DIDO1: variants seen among roughly 807,000 people sequenced by gnomAD.
DIDO1 encodes death inducer-obliterator 1.
In DIDO1, 16 loss-of-function variants were observed where a neutral mutation model predicts 99.4. The observed-to-expected ratio is 0.16, with a 90% CI of 0.11 to 0.24. The LOEUF is 0.24. Among genes scored for constraint, DIDO1 ranks in the 10% least tolerant of loss-of-function variants. The pLI is 1.00. For synonymous variants in DIDO1, 1,366 were observed against 1,239.1 expected, an observed-to-expected ratio of 1.10 and a Z score of -2.15; for missense variants, 2,996 against 3,014.0, an observed-to-expected ratio of 0.99 and a Z score of 0.14.
At chr20:62,904,132 G>A (rs149522054) in intron 6 of DIDO1, among the ~76,000 whole-genome samples, 34 of 152,298 alleles carry the variant, frequency 2.2e-4, no homozygotes, top group African/African-American at 7.7e-4. Flanking sequence ...TCTGAACTGA[G>A]GCTATAACCG....
At chr20:62,891,299 G>C (rs2064392908) in intron 14 of DIDO1, 144 bp from the exon 15 acceptor site, 2 of 1,397,672 alleles carry the variant, frequency 1.4e-6, no homozygotes, top group South Asian at 2.8e-5. Context: ...GTCTCAGTGA[G>C]GCAATTCACG....
rs73918857 is a variant in DIDO1 at position 62,895,298 on chromosome 20, G to A, written c.2215-133C>T. 590 of 768,174 alleles carry A rather than the reference G, an allele frequency of 7.7e-4. 1 individual carries two copies. The African/African-American group carries it at 9.2e-3, about 12-fold the overall frequency. The allele number at this position is 768,174 out of a possible 1,614,324, so 47.6% of individuals were successfully genotyped here. On this transcript the variant is annotated intron_variant, in intron 8 of 15. Coordinates refer to ENST00000395343, the MANE Select transcript of DIDO1 (RefSeq NM_001193369.2). ...GGCCCTCAGGGCCCACTTGCGTGTG[G>A]CACTGGGCAGAGCCCTCCCTGCAGG...
chr20:62,923,016 G>C (rs2065185556), intron 1 of DIDO1, among the ~76,000 whole-genome samples: 1 of 152,054 alleles, frequency 6.6e-6, no homozygotes, highest in Admixed American at 6.5e-5. Context: ...TTGGGGGTGG[G>C]GGGTGGACAG....
chr20:62,894,987 A>G lies in DIDO1; in HGVS notation c.2331+62T>C. On this transcript the variant is annotated intron_variant, in intron 9 of 15. Transcript: ENST00000395343. This position sits in a 1 kb window ranked among gnomAD's most constrained non-coding sequence, Gnocchi z 4.4. Reference sequence around the variant, plus strand: ...GAAAGCATCGCTTATGCAGCCGTCTATGAATTTATTTCTATTAAGCTCGAG... The same window carrying G: ...GAAAGCATCGCTTATGCAGCCGTCTGTGAATTTATTTCTATTAAGCTCGAG... 2.5e-6 allele frequency: 4 copies of G among 1,597,614 alleles called. No homozygotes were observed. The highest frequency in any genetic ancestry group is 3.4e-6 in the Non-Finnish European group (4 of 1,166,252).
chr20:62,879,486 CGGT>C lies in DIDO1; in HGVS notation c.6467_6469del (p.Asn2156_Arg2157delinsSer), dbSNP rs1303291542. On this transcript the variant is annotated inframe_deletion, in exon 16 of 16. Transcript: ENST00000395343. The surrounding 1 kb of genome is among the most constrained non-coding windows in gnomAD (Gnocchi z 6.3). The stretch of plus-strand genomic sequence containing the variant: ...CCGGTCGGCCTCGCGCTCTCGGTCG[CGGT>C]TGGCGCTCCTCTCCCGGTTTCTGTC... 6.3e-7 allele frequency: 1 copy of C among 1,589,586 alleles called. No homozygotes were observed. The highest frequency in any genetic ancestry group is 8.5e-7 in the Non-Finnish European group (1 of 1,174,886).
chr20:62,893,864 G>T lies in DIDO1; in HGVS notation c.2903C>A (p.Pro968His). The T allele has an allele frequency of 6.2e-7, 1 of 1,613,424 alleles. No homozygotes were observed. Among genetic ancestry groups the T allele is most frequent in the Non-Finnish European group, 8.5e-7 (1 of 1,179,622 alleles). The change falls in exon 12 of 16, where the codon CCC (proline) becomes CAC (histidine). Residue 968 changes from proline to histidine, a missense_variant. Coordinates refer to ENST00000395343, the MANE Select transcript of DIDO1 (RefSeq NM_001193369.2). ...GCATGAACTGCTTGGAGCGGTCCTGGGGTCCCGGCCGGACACTGTGACGGT... is the reference window on the plus strand; with the variant it reads ...GCATGAACTGCTTGGAGCGGTCCTGTGGTCCCGGCCGGACACTGTGACGGT... ...VTTVTVSGRD[P>H]RTAPSSSCTA...
intron 4 of DIDO1, 92 bp downstream of exon 4, chr20:62,909,607 A>T (rs2064883009): frequency 6.6e-7 from 1 of 1,505,030 alleles, no homozygotes; most frequent in Non-Finnish European, 9.1e-7. Flanking sequence ...ACATGGGTGC[A>T]GCACCCGTCC....
chr20:62,937,065 C>T (rs750031982), intron 1 of DIDO1, among the ~76,000 whole-genome samples: 2 of 152,230 alleles, frequency 1.3e-5, no homozygotes, highest in Non-Finnish European at 2.9e-5. Context: ...GACTTACTGT[C>T]GCTGAGTAGA....
At chr20:62,895,398 A>G (rs540859022) in intron 8 of DIDO1, among the ~76,000 whole-genome samples, 2 of 152,330 alleles carry the variant, frequency 1.3e-5, no homozygotes, top group African/African-American at 2.4e-5. Flanking sequence ...ATGGGAGCCC[A>G]GAGAGCACAG....
chr20:62,935,831 C>T (rs943141489), intron 1 of DIDO1, among the ~76,000 whole-genome samples: 3 of 152,162 alleles, frequency 2.0e-5, no homozygotes, highest in Non-Finnish European at 2.9e-5. Context: ...TTCTGGAGCT[C>T]AACAGGAGTT....
At position 62,882,046 on chromosome 20, in the gene DIDO1, C is replaced by T. The variant is rs750015505; in HGVS notation, c.3910G>A (p.Ala1304Thr). 6.8e-6 allele frequency: 11 copies of T among 1,613,362 alleles called. No homozygotes were observed. Among genetic ancestry groups the T allele is most frequent in the South Asian group, 6.6e-5 (6 of 91,084 alleles). Residue 1304 changes from alanine (A) to threonine (T), a missense_variant, in exon 16 of 16, where the codon GCT becomes ACT. Physicochemically the swap from Ala to Thr is moderately conservative, Grantham distance 58. This residue lies in a region of DIDO1 where 1,562 missense variants were observed against 1,412.6 expected (regional missense o/e 1.11). Transcript: ENST00000395343. ...AAASTAASST[A>T]SSASKTASPL... ...GATGCTGTTTTGGAAGCAGACGAAG[C>T]GGTGGAGGAAGCTGCCGTGGAGGCT...
At chr20:62,937,459 G>A (rs952016153) in intron 1 of DIDO1, among the ~76,000 whole-genome samples, 4 of 152,178 alleles carry the variant, frequency 2.6e-5, no homozygotes, top group Non-Finnish European at 5.9e-5. Context: ...CCTTTGTCCC[G>A]CGCGCCCTGG....
intron 1 of DIDO1, among the ~76,000 whole-genome samples, chr20:62,922,125 C>CACACAT (rs1491051587): frequency 7.0e-6 from 1 of 143,410 alleles, no homozygotes; most frequent in African/African-American, 2.7e-5. Context: ...CACACACACA[C>CACACAT]ATATATACAT....
chr20:62,899,061 G>A (rs1600956503), intron 6 of DIDO1, among the ~76,000 whole-genome samples: 1 of 152,068 alleles, frequency 6.6e-6, no homozygotes, highest in South Asian at 2.1e-4. Context: ...GAATGAAAAG[G>A]CCCAGCAGGC....
At chr20:62,889,952 G>A (rs988158879) in intron 15 of DIDO1, 2 of 985,496 alleles carry the variant, frequency 2.0e-6, no homozygotes, top group Non-Finnish European at 2.4e-6. Context: ...GCTCCAGTAG[G>A]AACGTGGGCT....
intron 1 of DIDO1, among the ~76,000 whole-genome samples, chr20:62,918,401 G>A (rs960021500): frequency 2.6e-5 from 4 of 152,212 alleles, no homozygotes; most frequent in East Asian, 3.8e-4. Flanking sequence ...CTGAGTAGCT[G>A]GGACACCACT....
At chr20:62,897,174 C>T (rs116804595) in intron 6 of DIDO1, among the ~76,000 whole-genome samples, 178 bp from the exon 7 acceptor site, 6 of 152,108 alleles carry the variant, frequency 3.9e-5, no homozygotes, top group African/African-American at 1.2e-4. Flanking sequence ...AAGGGAGGAC[C>T]GCCAGCAGCA....
chr20:62,937,883 G>A (rs1215713913), exon 1 of DIDO1: 4 of 398,366 alleles, frequency 1.0e-5, no homozygotes, highest in Admixed American at 4.4e-5. Flanking sequence ...TTGCCAGAGG[G>A]CCGACGCCTT....
intron 1 of DIDO1, among the ~76,000 whole-genome samples, chr20:62,921,278 T>C (rs562518757): frequency 2.0e-5 from 3 of 152,308 alleles, no homozygotes; most frequent in East Asian, 1.9e-4. Context: ...TCAATAGATA[T>C]AACAAAAGCT....
Sources: allele counts gnomAD v4.1 joint callset (sites outside exome capture counted in the v4.1 genomes callset), GRCh38; gene constraint gnomAD v4.1.1; regional missense constraint gnomAD v4.1.1; non-coding constraint Gnocchi (gnomAD v3.1); transcripts MANE v1.5; gene names NCBI Gene and HGNC (gene_info 2026-07-23, HGNC 2026-07-21).